BCKDHB: variants seen among roughly 807,000 people sequenced by gnomAD.
The protein encoded by BCKDHB is 2-oxoisovalerate dehydrogenase subunit beta, mitochondrial.
A neutral mutation model predicts 48.5 loss-of-function variants in BCKDHB; 41 were observed. The ratio of observed to expected loss-of-function variants is 0.85; its 90% CI spans 0.66 to 1.10. The LOEUF (loss-of-function observed/expected upper bound fraction) is 1.10. BCKDHB is among the 50% of genes least tolerant of loss of function. The pLI is 0.00. For synonymous variants in BCKDHB, 201 were observed against 174.8 expected, an observed-to-expected ratio of 1.15 and a Z score of -1.18; for missense variants, 496 against 494.2, an observed-to-expected ratio of 1.00 and a Z score of -0.03.
intron 9 of BCKDHB, among the ~76,000 whole-genome samples, chr6:80,323,521 C>T (rs554770087): frequency 5.3e-5 from 8 of 152,162 alleles, no homozygotes; most frequent in African/African-American, 1.7e-4. Context: ...TACATTCTAG[C>T]GTATAGACCA....
chr6:80,337,691 T>C (rs1234040346), intron 9 of BCKDHB, among the ~76,000 whole-genome samples: 1 of 152,064 alleles, frequency 6.6e-6, no homozygotes, highest in Non-Finnish European at 1.5e-5. Context: ...TGTGGTAGTA[T>C]AATGATTACA....
chr6:80,324,879 T>C (rs933050608), intron 9 of BCKDHB, among the ~76,000 whole-genome samples: 2 of 152,154 alleles, frequency 1.3e-5, no homozygotes, highest in Non-Finnish European at 2.9e-5. Context: ...TTTCAACTAG[T>C]AACTGAGGCT....
At chr6:80,363,736 A>C in the BCKDHB span, among the ~76,000 whole-genome samples, 1 of 152,238 alleles carries the variant, frequency 6.6e-6, no homozygotes, top group Non-Finnish European at 1.5e-5. Flanking sequence ...CCAGTGAAGC[A>C]CAAGGAGTAC....
At position 80,294,192 on chromosome 6, in the gene BCKDHB, A is replaced by G. The variant is rs556867660; in HGVS notation, c.1038+20971A>G. ...CCGGCTGGAGCTGCGGCAGAGGAAC[A>G]TAAATTGTGAAGATTTCATGGACAT... is the stretch of plus-strand genomic sequence containing the variant. On this transcript the variant is annotated intron_variant, in intron 9 of 9. Transcript: ENST00000320393. Among the ~76,000 whole-genome samples, 65 of 152,334 alleles carry G rather than the reference A, an allele frequency of 4.3e-4. 1 individual carries two copies. Among genetic ancestry groups the G allele is most frequent in the African/African-American group, 1.5e-3 (61 of 41,580 alleles).
chr6:80,107,577 G>GCATATATATATATGCACACA (rs1769192720), intron 1 of BCKDHB, among the ~76,000 whole-genome samples: 12 of 129,526 alleles, frequency 9.3e-5, no homozygotes, highest in African/African-American at 4.5e-4. Context: ...ATGCATATAT[G>GCATATATATATATGCACACA]TATATATGTC....
chr6:80,308,597 C>CT (rs34359456), intron 9 of BCKDHB, among the ~76,000 whole-genome samples: 43,440 of 138,556 alleles, frequency 0.31, 7,090 homozygotes, highest in Non-Finnish European at 0.37. Flanking sequence ...TCTTCTTCTT[C>CT]TTTTTTTTTT....
At chr6:80,177,183 G>A (rs1773196545) in intron 6 of BCKDHB, among the ~76,000 whole-genome samples, 2 of 138,964 alleles carry the variant, frequency 1.4e-5, no homozygotes, top group Non-Finnish European at 3.0e-5. Flanking sequence ...AGCCATGGTG[G>A]CACCACTGCA....
intron 8 of BCKDHB, among the ~76,000 whole-genome samples, chr6:80,235,075 AT>A: frequency 6.6e-6 from 1 of 152,192 alleles, no homozygotes; most frequent in East Asian, 1.9e-4. Flanking sequence ...GTTAGAAGAA[AT>A]AAGTTCTAGT....
intron 9 of BCKDHB, among the ~76,000 whole-genome samples, chr6:80,317,963 A>G (rs1253539933): frequency 1.3e-5 from 2 of 151,858 alleles, no homozygotes; most frequent in Non-Finnish European, 2.9e-5. Context: ...TTGTTTTGAG[A>G]TGTTTTCCCT....
the BCKDHB span, among the ~76,000 whole-genome samples, chr6:80,441,927 T>A: frequency 6.6e-6 from 1 of 152,136 alleles, no homozygotes; most frequent in African/African-American, 2.4e-5. Context: ...TAAACAATTA[T>A]TCAATTACAA....
At chr6:80,175,231 C>A (rs1773094588) in intron 6 of BCKDHB, among the ~76,000 whole-genome samples, 1 of 152,136 alleles carries the variant, frequency 6.6e-6, no homozygotes, top group East Asian at 1.9e-4. Flanking sequence ...AAGGTATTCT[C>A]CTTCTCTTTA....
In BCKDHB at chr6:80,167,595, T is replaced by G. The variant is rs1582271694; in HGVS notation, c.344-83T>G. The G allele has an allele frequency of 3.7e-6, 5 of 1,350,862 alleles. No homozygotes were observed. In the East Asian group the frequency reaches 1.2e-4, roughly 31 times the overall value. 83.7% of individuals were successfully genotyped at this position (1,350,862 alleles called of 1,614,324 possible). The stretch of plus-strand genomic sequence containing the variant: ...TGTTCTATACTTCTCCATCCCATTA[T>G]TAGTTTACTGAATTTTTAAATGTAT... On this transcript the variant is annotated intron_variant, in intron 3 of 9. Coordinates refer to ENST00000320393, the MANE Select transcript of BCKDHB (RefSeq NM_183050.4).
At chr6:80,358,882 T>C in the BCKDHB span, among the ~76,000 whole-genome samples, 2 of 152,136 alleles carry the variant, frequency 1.3e-5, no homozygotes, top group Non-Finnish European at 2.9e-5. Flanking sequence ...ATAAAATAAA[T>C]TGATTTTTTA....
chr6:80,155,907 G>T (rs1582249549), intron 3 of BCKDHB, among the ~76,000 whole-genome samples: 1 of 134,912 alleles, frequency 7.4e-6, no homozygotes. Flanking sequence ...TTGTTTTTTT[G>T]GTGGGATGCG....
At chr6:80,430,736 G>A in the BCKDHB span, among the ~76,000 whole-genome samples, 2 of 152,070 alleles carry the variant, frequency 1.3e-5, no homozygotes, top group African/African-American at 4.8e-5. Context: ...CTCGCTAGCA[G>A]TCTATCTATT....
chr6:80,263,639 C>A (rs1313956377), intron 8 of BCKDHB, among the ~76,000 whole-genome samples: 3 of 152,174 alleles, frequency 2.0e-5, no homozygotes, highest in East Asian at 3.9e-4. Flanking sequence ...GAAAATAGGA[C>A]CATTTATCCA....
the BCKDHB span, among the ~76,000 whole-genome samples, chr6:80,400,323 C>T: frequency 1.3e-5 from 2 of 151,972 alleles, no homozygotes; most frequent in South Asian, 4.2e-4. Flanking sequence ...TACTATGCAT[C>T]TGACAAAGGT....
chr6:80,426,731 A>G, the BCKDHB span, among the ~76,000 whole-genome samples: 1 of 152,126 alleles, frequency 6.6e-6, no homozygotes, highest in Admixed American at 6.5e-5. Context: ...AGACATGTTT[A>G]TGGCCCAGAA....
chr6:80,184,604 T>G (rs1038962040), intron 6 of BCKDHB, among the ~76,000 whole-genome samples: 3 of 152,202 alleles, frequency 2.0e-5, no homozygotes, highest in Non-Finnish European at 2.9e-5. Context: ...AGAACTCCTT[T>G]TAGAAGTTCT....
Sources: allele counts gnomAD v4.1 joint callset (sites outside exome capture counted in the v4.1 genomes callset), GRCh38; gene constraint gnomAD v4.1.1; transcripts MANE v1.5; gene names NCBI Gene and HGNC (gene_info 2026-07-23, HGNC 2026-07-21).